Variants in TARBP1 observed in about 807,000 individuals in gnomAD.
TARBP1 encodes tRNA (guanosine(18)-2'-O)-methyltransferase TARBP1.
A neutral mutation model predicts 178.6 loss-of-function variants in TARBP1; 144 were observed. The observed-to-expected ratio is 0.81, with a 90% CI of 0.70 to 0.93. TARBP1 has a LOEUF of 0.93. Ranked by LOEUF, TARBP1 falls within the 40% of genes least tolerant of loss-of-function variation. TARBP1 has a pLI of 0.00. For synonymous variants in TARBP1, 787 were observed against 781.0 expected (o/e 1.01, Z -0.13); for missense variants, 2,067 against 2,011.7 (o/e 1.03, Z -0.53).
At chr1:234,471,308 A>T in intron 2 of TARBP1, 51 bp from the exon 3 acceptor site, 1 of 1,222,316 alleles carries the variant, frequency 8.2e-7, no homozygotes, top group Non-Finnish European at 1.2e-6. Context: ...ATCTTGAAAA[A>T]TGTCAGGCAA....
chr1:234,468,440 C>T (rs1266287854), intron 3 of TARBP1, among the ~76,000 whole-genome samples: 2 of 152,160 alleles, frequency 1.3e-5, no homozygotes, highest in Admixed American at 1.3e-4. Context: ...TGCACTCCAG[C>T]TTGGGCAACA....
At chr1:234,472,023 A>G (rs1669108354) in intron 2 of TARBP1, among the ~76,000 whole-genome samples, 1 of 152,064 alleles carries the variant, frequency 6.6e-6, no homozygotes, top group Non-Finnish European at 1.5e-5. Context: ...CATACATATC[A>G]CCTGGGAACT....
chr1:234,409,872 A>G (rs1276369058), intron 23 of TARBP1, among the ~76,000 whole-genome samples: 2 of 152,220 alleles, frequency 1.3e-5, no homozygotes, highest in African/African-American at 2.4e-5. Context: ...AGGTTCTCTT[A>G]AATTCTTCAA....
chr1:234,472,798 A>G lies in TARBP1; in HGVS notation c.945T>C (p.Phe315=), dbSNP rs1669199113. The change falls in exon 2 of 30, where the codon TTT becomes TTC. Residue 315 remains phenylalanine, a synonymous_variant. Transcript: ENST00000040877. ...CATCTTTTTTCCTCTCAGACCACCA[A>G]AACAGACTTGGGCCTGATATGGTTT... ...GPQEGNGPSL[F]WWSERKKDEL... 1.3e-6 allele frequency: 2 copies of G among 1,597,758 alleles called. No individual in the cohort carries two copies. The highest frequency in any genetic ancestry group is 2.7e-5 in the African/African-American group (2 of 73,570).
At chr1:234,452,112 T>G (rs1382574535) in intron 9 of TARBP1, among the ~76,000 whole-genome samples, 1 of 152,180 alleles carries the variant, frequency 6.6e-6, no homozygotes, top group African/African-American at 2.4e-5. Context: ...TTTCTTTCCC[T>G]CTATCAAATC....
At position 234,398,511 on chromosome 1, in the gene TARBP1, C is replaced by T; in HGVS notation, c.4114G>A (p.Asp1372Asn). The change falls in exon 26 of 30, where the codon GAT becomes AAT. Residue 1372 changes from aspartate to asparagine, a missense_variant. By Grantham distance (23) the Asp-to-Asn change is conservative (BLOSUM62 1). Transcript: ENST00000040877. The stretch of plus-strand genomic sequence containing the variant: ...AATTTATCAATGGTGATCCATTCAT[C>T]TTCAATAAGGCCTGAAAGGCGTGGA... ...ILPRLSGLIEDEWITIDKFTR... is the reference protein window; with the variant it reads ...ILPRLSGLIENEWITIDKFTR... 2.5e-6 allele frequency: 4 copies of T among 1,608,926 alleles called. No homozygotes were observed. The highest frequency in any genetic ancestry group is 3.4e-6 in the Non-Finnish European group (4 of 1,176,722).
intron 20 of TARBP1, among the ~76,000 whole-genome samples, chr1:234,424,020 C>T (rs1015707904): frequency 2.0e-5 from 3 of 152,206 alleles, no homozygotes; most frequent in African/African-American, 7.2e-5. Context: ...ACTATTTCCT[C>T]TGGGACATCT....
At position 234,391,653 on chromosome 1, in the gene TARBP1, A is replaced by AC. The variant is rs774891159; in HGVS notation, c.4789dup (p.Val1597GlyfsTer31). On this transcript the variant is annotated frameshift_variant, in exon 30 of 30. Coordinates refer to ENST00000040877, the MANE Select transcript of TARBP1 (RefSeq NM_005646.4). LOFTEE classifies it low-confidence loss of function (END_TRUNC). ...GATCAGCAGGGCTCCACTCACATGG[A>AC]CATTCAGGGAGCGGATAATGCCCTG... 1.2e-6 allele frequency: 2 copies of AC among 1,613,722 alleles called. No homozygotes were observed. The highest frequency in any genetic ancestry group is 1.7e-6 in the Non-Finnish European group (2 of 1,180,014).
intron 9 of TARBP1, among the ~76,000 whole-genome samples, chr1:234,456,691 T>G (rs973676319): frequency 1.3e-5 from 2 of 152,186 alleles, no homozygotes; most frequent in East Asian, 1.9e-4. Flanking sequence ...TGTATTATTT[T>G]AAATACACAT....
intron 12 of TARBP1, among the ~76,000 whole-genome samples, chr1:234,438,926 T>C (rs1039015548): frequency 1.3e-5 from 2 of 152,188 alleles, no homozygotes; most frequent in African/African-American, 2.4e-5. Flanking sequence ...AAAACCTGAC[T>C]ACTATGGAGT....
Position 234,471,273 on chromosome 1 carries a change from A to T in TARBP1, c.1030-16T>A. 1 of 1,509,174 alleles carries T rather than the reference A, an allele frequency of 6.6e-7. No individual in the cohort carries two copies. The highest frequency in any genetic ancestry group is 1.2e-5 in the South Asian group (1 of 82,508). The allele number at this position is 1,509,174 out of a possible 1,614,324, so 93.5% of individuals were successfully genotyped here. On this transcript the variant is annotated splice_polypyrimidine_tract_variant and intron_variant, in intron 2 of 29. Transcript: ENST00000040877. ...TAACATGTATCTAAAAATAAGAGCA[A>T]AAAAATCATATGAAATGAAAATGCA... is the stretch of plus-strand genomic sequence containing the variant.
chr1:234,454,404 T>G (rs1343978590), intron 9 of TARBP1, among the ~76,000 whole-genome samples: 1 of 152,164 alleles, frequency 6.6e-6, no homozygotes, highest in Non-Finnish European at 1.5e-5. Flanking sequence ...CAGTACATAT[T>G]CAAAAATTTT....
intron 5 of TARBP1, among the ~76,000 whole-genome samples, chr1:234,465,359 G>A (rs1318516080): frequency 5.3e-5 from 8 of 152,130 alleles, no homozygotes; most frequent in East Asian, 1.9e-4. Context: ...CAACTTCCAA[G>A]AGAGCAGGAA....
intron 13 of TARBP1, among the ~76,000 whole-genome samples, chr1:234,436,859 C>T (rs890053902): frequency 6.6e-6 from 1 of 152,224 alleles, no homozygotes; most frequent in Non-Finnish European, 1.5e-5. Context: ...GCATCCTCTA[C>T]ACCTAAAACC....
In TARBP1 at chr1:234,456,342, A is replaced by G. The variant is rs1031585870; in HGVS notation, c.1722+1325T>C. On this transcript the variant is annotated intron_variant, in intron 9 of 29. Coordinates refer to ENST00000040877, the MANE Select transcript of TARBP1 (RefSeq NM_005646.4). The stretch of plus-strand genomic sequence containing the variant: ...CAGCCTCCCAAGTAGCTGAGACTAC[A>G]GGCACACACCACCATGCCCCGATAA... Among the ~76,000 whole-genome samples, 13 of 152,322 alleles carry G rather than the reference A, an allele frequency of 8.5e-5. No individual in the cohort carries two copies. The East Asian group carries it at 2.5e-3, about 29-fold the overall frequency.
chr1:234,426,925 A>G (rs1210512110), intron 19 of TARBP1, among the ~76,000 whole-genome samples: 3 of 152,214 alleles, frequency 2.0e-5, no homozygotes, highest in Non-Finnish European at 1.5e-5. Context: ...TGTGTGTAAC[A>G]TACCAACTTG....
intron 17 of TARBP1, 129 bp downstream of exon 17, chr1:234,429,007 G>A (rs1664097687): frequency 1.2e-6 from 1 of 801,486 alleles, no homozygotes; most frequent in African/African-American, 1.8e-5. Flanking sequence ...ATTTAAGAAG[G>A]TTCAAAAATA....
At chr1:234,472,104 A>T (rs933955563) in intron 2 of TARBP1, among the ~76,000 whole-genome samples, 9 of 152,192 alleles carry the variant, frequency 5.9e-5, no homozygotes, top group African/African-American at 2.2e-4. Context: ...TGGGAGGCCA[A>T]GGCGGGTGGA....
chr1:234,449,073 G>C (rs948330911), intron 10 of TARBP1, among the ~76,000 whole-genome samples: 1 of 152,060 alleles, frequency 6.6e-6, no homozygotes, highest in African/African-American at 2.4e-5. Context: ...AGAAGGAAGA[G>C]CACATCAAAG....
Sources: allele counts gnomAD v4.1 joint callset (sites outside exome capture counted in the v4.1 genomes callset), GRCh38; gene constraint gnomAD v4.1.1; transcripts MANE v1.5; gene names NCBI Gene and HGNC (gene_info 2026-07-23, HGNC 2026-07-21).